Variants in IRX6 observed in about 807,000 individuals in gnomAD.
IRX6 encodes the protein iroquois homeobox 6, also known as iroquois-class homeodomain protein IRX-6.
Under a neutral mutation model 47.7 loss-of-function variants are expected in IRX6, and 46 were observed. The ratio of observed to expected loss-of-function variants is 0.96; its 90% CI spans 0.76 to 1.23. The LOEUF (loss-of-function observed/expected upper bound fraction) is 1.23, where lower values mean the gene tolerates loss of function less well. Among genes scored for constraint, IRX6 ranks in the 50% most tolerant of loss-of-function variants. The probability of loss-of-function intolerance (pLI) is 0.00; values close to 1 mark genes in which losing one functional copy is unlikely to be tolerated. For synonymous variants in IRX6, 265 were observed against 246.2 expected, an observed-to-expected ratio of 1.08 and a Z score of -0.72; for missense variants, 722 against 588.0, an observed-to-expected ratio of 1.23 and a Z score of -2.36.
intron 5 of IRX6, 83 bp from the exon 6 acceptor site, chr16:55,330,215 A>G: frequency 7.7e-7 from 1 of 1,299,094 alleles, no homozygotes; most frequent in Non-Finnish European, 1.1e-6. Context: ...GCTTGCCTTC[A>G]GAAGAGACAT....
chr16:55,327,773 C>G lies in IRX6; in HGVS notation c.601C>G (p.Arg201Gly), dbSNP rs775606320. 3 of 1,612,370 alleles carry G rather than the reference C, an allele frequency of 1.9e-6. No homozygotes were observed. Among genetic ancestry groups the G allele is most frequent in the Non-Finnish European group, 1.7e-6 (2 of 1,179,902 alleles). Residue 201 changes from arginine to glycine, a missense_variant, in exon 4 of 6, where the codon CGC (arginine) becomes GGC (glycine). Coordinates refer to ENST00000290552, the MANE Select transcript of IRX6 (RefSeq NM_024335.3). Reference sequence around the variant, plus strand: ...GGTGTCCACCTGGTTCGCCAACGCACGCCGGCGCCTCAAGAAAGAGAACAA... The same window carrying G: ...GGTGTCCACCTGGTTCGCCAACGCAGGCCGGCGCCTCAAGAAAGAGAACAA... The part of the protein sequence containing the change: ...TQVSTWFANA[R>G]RRLKKENKMT...
At chr16:55,330,002 C>G (rs1286877983) in intron 5 of IRX6, among the ~76,000 whole-genome samples, 1 of 152,166 alleles carries the variant, frequency 6.6e-6, no homozygotes, top group African/African-American at 2.4e-5. Context: ...GTGTTAAGGA[C>G]CTGGTGGAAG....
Position 55,324,514 on chromosome 16 carries a change from G to C in IRX6, c.-578G>C, listed in dbSNP as rs2142264829. 1 of 152,472 alleles carries C rather than the reference G, an allele frequency of 6.6e-6. No individual in the cohort carries two copies. Among genetic ancestry groups the C allele is most frequent in the South Asian group, 2.1e-4 (1 of 4,844 alleles). The allele number at this position is 152,472 out of a possible 1,614,324, so 9.4% of individuals were successfully genotyped here. ...AGGTTGTGTGTGTGTGCGCGCGCGC[G>C]TGAGCTCCAGGCGAAAAGGGGTAGG... On this transcript the variant is annotated 5_prime_UTR_variant, in exon 1 of 6. Transcript: ENST00000290552. The surrounding 1 kb of genome is among the most constrained non-coding windows in gnomAD (Gnocchi z 4.4).
chr16:55,326,629 G>A (rs1425632168), intron 2 of IRX6, 36 bp downstream of exon 2: 2 of 1,468,460 alleles, frequency 1.4e-6, no homozygotes, highest in Non-Finnish European at 1.8e-6. Flanking sequence ...GGAGTGAGCA[G>A]TAGAGACAGG....
chr16:55,326,690 A>G, intron 2 of IRX6, 97 bp downstream of exon 2: 2 of 1,330,224 alleles, frequency 1.5e-6, no homozygotes, highest in Non-Finnish European at 2.0e-6. Context: ...AGGAAAGGAA[A>G]TGGTTAGGAC....
intron 5 of IRX6, 36 bp from the exon 6 acceptor site, chr16:55,330,262 C>T (rs750096706): frequency 6.2e-7 from 1 of 1,610,008 alleles, no homozygotes. Context: ...TGCCACTAAA[C>T]AGCCTTTGGG....
chr16:55,329,364 C>T (rs1394477887), intron 5 of IRX6, 53 bp downstream of exon 5: 35 of 1,529,736 alleles, frequency 2.3e-5, no homozygotes, highest in Non-Finnish European at 3.1e-5. Flanking sequence ...CACCCACCTA[C>T]CGCCCCGCCC....
intron 4 of IRX6, 44 bp from the exon 5 acceptor site, chr16:55,328,656 C>G (rs1409177950): frequency 1.3e-6 from 2 of 1,595,318 alleles, no homozygotes; most frequent in Non-Finnish European, 1.7e-6. Flanking sequence ...TCGGATTTCC[C>G]TTGGGCCCTG....
At position 55,327,382 on chromosome 16, in the gene IRX6, T is replaced by C. The variant is rs374025291; in HGVS notation, c.390T>C (p.Thr130=). The change falls in exon 3 of 6, where the codon ACT becomes ACC. Residue 130 remains threonine, a synonymous_variant. Coordinates refer to ENST00000290552, the MANE Select transcript of IRX6 (RefSeq NM_024335.3). The part of the protein sequence containing the change: ...QPGAYYPYER[T]LGQYQYERYG... Reference sequence around the variant, plus strand: ...GAGCCTATTATCCCTATGAGCGGACTCTGGGGCAGTACCAATATGAACGGT... The same window carrying C: ...GAGCCTATTATCCCTATGAGCGGACCCTGGGGCAGTACCAATATGAACGGT... The C allele has an allele frequency of 5.0e-6, 8 of 1,613,534 alleles. No homozygotes were observed. In the Admixed American group the frequency reaches 1.2e-4, roughly 24 times the overall value.
At chr16:55,328,220 C>A (rs530887540) in intron 4 of IRX6, among the ~76,000 whole-genome samples, 1 of 152,108 alleles carries the variant, frequency 6.6e-6, no homozygotes, top group African/African-American at 2.4e-5. Flanking sequence ...GTTTACATAC[C>A]CAACTTCCCT....
Position 55,324,685 on chromosome 16 carries a change from G to T in IRX6, c.-407G>T. ...GCACGCTTGGTGGCCCAGGGTCCCG[G>T]GGCCCGGGGTCCCGTCTGGCGGCCC... On this transcript the variant is annotated 5_prime_UTR_variant, in exon 1 of 6. Coordinates refer to ENST00000290552, the MANE Select transcript of IRX6 (RefSeq NM_024335.3). This position sits in a 1 kb window ranked among gnomAD's most constrained non-coding sequence, Gnocchi z 4.4. 1 of 218,234 alleles carries T rather than the reference G, an allele frequency of 4.6e-6. No homozygotes were observed. Among genetic ancestry groups the T allele is most frequent in the Non-Finnish European group, 9.1e-6 (1 of 109,452 alleles). 13.5% of individuals were successfully genotyped at this position (218,234 alleles called of 1,614,324 possible).
chr16:55,325,530 G>GA (rs1555483904), intron 1 of IRX6, among the ~76,000 whole-genome samples: 1 of 9,084 alleles, frequency 1.1e-4, no homozygotes, highest in Non-Finnish European at 1.8e-4. Flanking sequence ...AAGGAAGGAA[G>GA]GAGAGAGAGA....
Position 55,327,718 on chromosome 16 carries a change from G to T in IRX6, c.546G>T (p.Leu182=). ...CCACTAAGGGTGAGAAGATCATGCTGGCCATCATCACCAAGATGACCCTCA... is the reference window on the plus strand; with the variant it reads ...CCACTAAGGGTGAGAAGATCATGCTTGCCATCATCACCAAGATGACCCTCA... ...PYPTKGEKIM[L]AIITKMTLTQ... The change falls in exon 4 of 6, where the codon CTG becomes CTT. Residue 182 remains leucine, a synonymous_variant. Transcript: ENST00000290552. The T allele has an allele frequency of 6.2e-7, 1 of 1,612,352 alleles. No homozygotes were observed. Among genetic ancestry groups the T allele is most frequent in the Non-Finnish European group, 8.5e-7 (1 of 1,180,006 alleles).
rs1960487581 is a variant in IRX6 at position 55,325,156 on chromosome 16, G to A, written c.45+20G>A. On this transcript the variant is annotated intron_variant, in intron 1 of 5. Transcript: ENST00000290552. Reference sequence around the variant, plus strand: ...TCCCAGGTAAGAGGCGCCTCTATGGGGGATAGGGGACAGACTGGGTGGAGG... The same window carrying A: ...TCCCAGGTAAGAGGCGCCTCTATGGAGGATAGGGGACAGACTGGGTGGAGG... 5.0e-6 allele frequency: 8 copies of A among 1,612,952 alleles called. No homozygotes were observed. The South Asian group carries it at 6.6e-5, about 13-fold the overall frequency.
chr16:55,324,840 T>C lies in IRX6; in HGVS notation c.-252T>C. The stretch of plus-strand genomic sequence containing the variant: ...CCTTTGGGAACCCGCATCTTCTTCC[T>C]TCCCCTGCCCATCCATGGGCCCTTC... On this transcript the variant is annotated 5_prime_UTR_variant, in exon 1 of 6. Coordinates refer to ENST00000290552, the MANE Select transcript of IRX6 (RefSeq NM_024335.3). The surrounding 1 kb of genome is among the most constrained non-coding windows in gnomAD (Gnocchi z 4.4). 1 of 565,918 alleles carries C rather than the reference T, an allele frequency of 1.8e-6. No homozygotes were observed. The highest frequency in any genetic ancestry group is 3.1e-5 in the Admixed American group (1 of 32,092). The allele number at this position is 565,918 out of a possible 1,614,324, so 35.1% of individuals were successfully genotyped here.
At chr16:55,326,800 A>G in intron 2 of IRX6, 5 of 504,280 alleles carry the variant, frequency 9.9e-6, no homozygotes, top group Non-Finnish European at 1.7e-5. Context: ...TGAGGTAGGC[A>G]AGTAATCATT....
At chr16:55,327,271 G>A in intron 2 of IRX6, 25 bp from the exon 3 acceptor site, 1 of 1,566,984 alleles carries the variant, frequency 6.4e-7, no homozygotes, top group Non-Finnish European at 8.8e-7. Flanking sequence ...CTGTACTCCT[G>A]AATTCTCTTT....
In IRX6 at chr16:55,329,005, T is replaced by C. The variant is rs1252980538; in HGVS notation, c.1027T>C (p.Tyr343His). 6.2e-7 allele frequency: 1 copy of C among 1,613,816 alleles called. No individual in the cohort carries two copies. The highest frequency in any genetic ancestry group is 2.2e-5 in the East Asian group (1 of 44,864). ...AGGCAGCCCTAGGTTGACCATGCAC[T>C]ACCCATGCTTGGAGAAACCGCGCAT... ...ETGSPRLTMHYPCLEKPRIWS... is the reference protein window; with the variant it reads ...ETGSPRLTMHHPCLEKPRIWS... The change falls in exon 5 of 6, where the codon TAC (tyrosine) becomes CAC (histidine). Residue 343 changes from tyrosine (Y) to histidine (H), a missense_variant. Physicochemically the swap from Tyr to His is moderately conservative, Grantham distance 83. Transcript: ENST00000290552.
At chr16:55,325,530 G>GGAGAGA (rs750802559) in intron 1 of IRX6, among the ~76,000 whole-genome samples, 13 of 9,078 alleles carry the variant, frequency 1.4e-3, no homozygotes, top group South Asian at 9.1e-3. Flanking sequence ...AAGGAAGGAA[G>GGAGAGA]GAGAGAGAGA....
Sources: gnomAD v4.1 joint callset for allele counts (sites outside exome capture counted in the v4.1 genomes callset) on GRCh38, gnomAD v4.1.1 for gene constraint, Gnocchi (gnomAD v3.1) non-coding constraint, MANE v1.5 for transcripts, NCBI Gene and HGNC (gene_info 2026-07-23, HGNC 2026-07-21) for gene names.